Variants in GALNTL6 observed in about 807,000 individuals in gnomAD.
GALNTL6 encodes polypeptide N-acetylgalactosaminyltransferase like 6.
A neutral mutation model predicts 73.7 loss-of-function variants in GALNTL6; 46 were observed. The ratio of observed to expected loss-of-function variants is 0.62; its 90% CI spans 0.49 to 0.80. The LOEUF is 0.80. GALNTL6 is among the 30% of genes least tolerant of loss of function. GALNTL6 has a pLI of 0.00. For synonymous variants in GALNTL6, 259 were observed against 263.7 expected (o/e 0.98, Z 0.17); for missense variants, 604 against 755.0 (o/e 0.80, Z 2.34).
intron 2 of GALNTL6, among the ~76,000 whole-genome samples, chr4:171,912,503 G>T (rs1737504804): frequency 1.3e-5 from 2 of 152,082 alleles, no homozygotes; most frequent in East Asian, 3.9e-4. Flanking sequence ...ATAAAATCAG[G>T]GTAACTGGGA....
chr4:172,529,541 C>G (rs1735094625), intron 5 of GALNTL6, among the ~76,000 whole-genome samples: 1 of 152,018 alleles, frequency 6.6e-6, no homozygotes, highest in East Asian at 1.9e-4. Flanking sequence ...AATATATCCT[C>G]CAGTAATTAA....
intron 3 of GALNTL6, among the ~76,000 whole-genome samples, chr4:172,237,164 C>T (rs1399008421): frequency 6.6e-6 from 1 of 152,164 alleles, no homozygotes; most frequent in African/African-American, 2.4e-5. Context: ...GTGAATAGTG[C>T]TGCAGTGAAC....
chr4:171,818,516 G>GGCTTT (rs1560800130), intron 2 of GALNTL6, among the ~76,000 whole-genome samples: 5 of 61,442 alleles, frequency 8.1e-5, no homozygotes, highest in Non-Finnish European at 1.6e-4. Flanking sequence ...TTTTAAAACA[G>GGCTTT]ATCAGAACTG....
chr4:172,295,340 T>A (rs1739628979), intron 3 of GALNTL6, among the ~76,000 whole-genome samples: 1 of 151,570 alleles, frequency 6.6e-6, no homozygotes, highest in Non-Finnish European at 1.5e-5. Context: ...GAGAATCACT[T>A]GAACCCAGGA....
At chr4:172,940,719 G>A (rs1002133379) in intron 9 of GALNTL6, among the ~76,000 whole-genome samples, 1 of 151,894 alleles carries the variant, frequency 6.6e-6, no homozygotes, top group Admixed American at 6.6e-5. Context: ...TATTGCCCAG[G>A]CTGAAGTGCT....
At chr4:172,611,051 C>T (rs540471470) in intron 5 of GALNTL6, among the ~76,000 whole-genome samples, 2 of 152,100 alleles carry the variant, frequency 1.3e-5, no homozygotes, top group South Asian at 4.1e-4. Context: ...TTTCTCCATC[C>T]CTTTACTTTG....
chr4:171,930,604 G>A (rs1033195822), intron 2 of GALNTL6, among the ~76,000 whole-genome samples: 2 of 152,154 alleles, frequency 1.3e-5, no homozygotes, highest in African/African-American at 4.8e-5. Flanking sequence ...GGAGGCCGAG[G>A]TGGGCAGATC....
At chr4:172,120,758 A>G (rs978765223) in intron 2 of GALNTL6, among the ~76,000 whole-genome samples, 1 of 152,106 alleles carries the variant, frequency 6.6e-6, no homozygotes, top group Non-Finnish European at 1.5e-5. Context: ...AGAGTTGCCA[A>G]TGTTTAGGGT....
intron 5 of GALNTL6, among the ~76,000 whole-genome samples, chr4:172,772,304 G>T (rs1388953837): frequency 6.6e-6 from 1 of 152,104 alleles, no homozygotes; most frequent in Non-Finnish European, 1.5e-5. Context: ...AGATATCCAA[G>T]GAAGACAGGA....
intron 2 of GALNTL6, among the ~76,000 whole-genome samples, chr4:171,860,719 C>T (rs1400707777): frequency 6.6e-6 from 1 of 152,166 alleles, no homozygotes; most frequent in African/African-American, 2.4e-5. Flanking sequence ...CTGGTAGATA[C>T]TGTTCTTCCT....
At chr4:172,896,952 T>C (rs991086390) in intron 8 of GALNTL6, among the ~76,000 whole-genome samples, 1 of 151,920 alleles carries the variant, frequency 6.6e-6, no homozygotes, top group Non-Finnish European at 1.5e-5. Context: ...TCCCAGCAGG[T>C]CCCTGCACAG....
At chr4:172,801,233 A>G (rs1437466238) in intron 5 of GALNTL6, among the ~76,000 whole-genome samples, 2 of 152,236 alleles carry the variant, frequency 1.3e-5, no homozygotes, top group African/African-American at 2.4e-5. Context: ...CATTGCAGAT[A>G]TGCTACATTT....
intron 2 of GALNTL6, among the ~76,000 whole-genome samples, chr4:172,140,183 A>T (rs1195014967): frequency 6.6e-6 from 1 of 152,026 alleles, no homozygotes; most frequent in Non-Finnish European, 1.5e-5. Flanking sequence ...TTATGCCCAA[A>T]TATTTCCATA....
At chr4:172,865,925 G>C (rs1344106134) in intron 7 of GALNTL6, among the ~76,000 whole-genome samples, 4 of 152,140 alleles carry the variant, frequency 2.6e-5, no homozygotes, top group Non-Finnish European at 5.9e-5. Flanking sequence ...TCAGTTTCAG[G>C]GAATTGCACT....
intron 3 of GALNTL6, among the ~76,000 whole-genome samples, chr4:172,287,717 A>G (rs1175323969): frequency 6.6e-6 from 1 of 152,098 alleles, no homozygotes; most frequent in East Asian, 1.9e-4. Context: ...TTGTGCTTAC[A>G]TTGTTAAGCC....
At position 172,578,491 on chromosome 4, in the gene GALNTL6, A is replaced by T. The variant is rs565754590; in HGVS notation, c.553+229802A>T. On this transcript the variant is annotated intron_variant, in intron 5 of 12. Transcript: ENST00000506823. ...TTAGCAAAGACACAAAACTGAAAAA[A>T]ATATGTTTCCAAAGAAGAGGAATGT... Among the ~76,000 whole-genome samples the T allele has an allele frequency of 2.0e-5, 3 of 152,338 alleles. No homozygotes were observed. The East Asian group carries it at 5.8e-4, about 29-fold the overall frequency.
chr4:172,725,947 C>G (rs955987057), intron 5 of GALNTL6, among the ~76,000 whole-genome samples: 18 of 152,064 alleles, frequency 1.2e-4, no homozygotes, highest in Non-Finnish European at 1.5e-5. Context: ...TGTATGAAGC[C>G]CCCTTAGAAC....
intron 2 of GALNTL6, among the ~76,000 whole-genome samples, chr4:172,032,227 T>A (rs1741791205): frequency 6.6e-6 from 1 of 152,070 alleles, no homozygotes; most frequent in Non-Finnish European, 1.5e-5. Context: ...GAAAAGTCAA[T>A]TTGGTCACTA....
At chr4:172,734,145 TGG>T (rs1736313532) in intron 5 of GALNTL6, among the ~76,000 whole-genome samples, 1 of 152,162 alleles carries the variant, frequency 6.6e-6, no homozygotes, top group Non-Finnish European at 1.5e-5. Flanking sequence ...TCGAGATCTG[TGG>T]AACTTTGAAC....
Sources: allele counts gnomAD v4.1 joint callset (sites outside exome capture counted in the v4.1 genomes callset), GRCh38; gene constraint gnomAD v4.1.1; transcripts MANE v1.5; gene names NCBI Gene and HGNC (gene_info 2026-07-23, HGNC 2026-07-21).